QTMAN: variants seen among roughly 807,000 people sequenced by gnomAD.
QTMAN encodes the protein queuosine-tRNA mannosyltransferase.
chr2:144,081,911 G>T, the QTMAN span, among the ~76,000 whole-genome samples: 2 of 151,898 alleles, frequency 1.3e-5, no homozygotes, highest in Non-Finnish European at 2.9e-5. Flanking sequence ...TTTTAAGACA[G>T]AGTCTCACTC....
chr2:144,012,878 G>A, the QTMAN span, among the ~76,000 whole-genome samples: 1 of 152,152 alleles, frequency 6.6e-6, no homozygotes, highest in East Asian at 1.9e-4. Context: ...GAGGGTGTTA[G>A]TAAGTGGAAT....
the QTMAN span, among the ~76,000 whole-genome samples, chr2:144,184,602 T>C: frequency 2.6e-5 from 4 of 152,296 alleles, no homozygotes; most frequent in Admixed American, 2.0e-4. Flanking sequence ...TTTTCCTTTT[T>C]GGAAATGATT....
the QTMAN span, among the ~76,000 whole-genome samples, chr2:143,986,789 T>C: frequency 2.6e-5 from 4 of 152,328 alleles, no homozygotes; most frequent in South Asian, 2.1e-4. Flanking sequence ...TCTAAAAATA[T>C]ACACATGTAT....
At chr2:143,946,452 A>G in the QTMAN span, 1 of 152,720 alleles carries the variant, frequency 6.5e-6, no homozygotes, top group East Asian at 1.9e-4. Flanking sequence ...TGCTAAAAGA[A>G]AAGTGCTAAA....
the QTMAN span, among the ~76,000 whole-genome samples, chr2:144,263,663 C>T: frequency 1.3e-5 from 2 of 152,158 alleles, no homozygotes; most frequent in African/African-American, 4.8e-5. Context: ...GAAGAGGTTG[C>T]AGTGAGCCGA....
chr2:144,208,515 A>T, the QTMAN span: 1 of 1,129,146 alleles, frequency 8.9e-7, no homozygotes, highest in Non-Finnish European at 1.3e-6. Context: ...TAGTTGGAGA[A>T]ATTCTCAAAG....
At chr2:144,287,648 T>C in the QTMAN span, among the ~76,000 whole-genome samples, 1 of 152,158 alleles carries the variant, frequency 6.6e-6, no homozygotes, top group Admixed American at 6.5e-5. Flanking sequence ...AACCTAGATC[T>C]ATCTCAGCTT....
At chr2:144,179,707 A>C in the QTMAN span, among the ~76,000 whole-genome samples, 85 of 152,242 alleles carry the variant, frequency 5.6e-4, 1 homozygote, top group East Asian at 0.014. Context: ...TGCCTACAAA[A>C]CTCAAGAAGT....
the QTMAN span, among the ~76,000 whole-genome samples, chr2:144,155,095 C>A: frequency 5.9e-5 from 9 of 152,312 alleles, no homozygotes; most frequent in Non-Finnish European, 1.3e-4. Flanking sequence ...GATGTGAACA[C>A]CCAACACGAT....
At chr2:144,108,676 C>T in the QTMAN span, among the ~76,000 whole-genome samples, 4 of 137,494 alleles carry the variant, frequency 2.9e-5, no homozygotes, top group East Asian at 1.9e-4. Flanking sequence ...TCATCTCAGC[C>T]GAAAATCTCC....
chr2:144,157,026 T>C, the QTMAN span, among the ~76,000 whole-genome samples: 2 of 152,156 alleles, frequency 1.3e-5, no homozygotes, highest in African/African-American at 4.8e-5. Flanking sequence ...TCACAGTTGC[T>C]GCTTGTGAGC....
chr2:144,061,737 G>T, the QTMAN span, among the ~76,000 whole-genome samples: 5 of 152,112 alleles, frequency 3.3e-5, no homozygotes, highest in South Asian at 1.0e-3. Context: ...CTGTTTTTGT[G>T]CCCAAATGTT....
chr2:144,134,878 A>T, the QTMAN span, among the ~76,000 whole-genome samples: 2 of 152,232 alleles, frequency 1.3e-5, no homozygotes, highest in South Asian at 4.1e-4. Context: ...TAAACATTTG[A>T]TCTTTTTATA....
the QTMAN span, among the ~76,000 whole-genome samples, chr2:144,217,374 C>A: frequency 3.3e-5 from 5 of 151,908 alleles, no homozygotes; most frequent in Non-Finnish European, 7.4e-5. Context: ...AAAAAACCCT[C>A]CATTTTCTAG....
chr2:143,948,126 A>T, the QTMAN span, among the ~76,000 whole-genome samples: 1 of 152,200 alleles, frequency 6.6e-6, no homozygotes, highest in South Asian at 2.1e-4. Flanking sequence ...TTAAAAGGGG[A>T]CTATAAGGTG....
the QTMAN span, among the ~76,000 whole-genome samples, chr2:144,228,868 G>C: frequency 6.6e-6 from 1 of 152,090 alleles, no homozygotes; most frequent in African/African-American, 2.4e-5. Context: ...TGAGTCAAGA[G>C]AATTGCTTGA....
At chr2:144,163,028 C>A in the QTMAN span, among the ~76,000 whole-genome samples, 1 of 151,894 alleles carries the variant, frequency 6.6e-6, no homozygotes, top group Non-Finnish European at 1.5e-5. Flanking sequence ...AAAACAAACC[C>A]GGAATATGAA....
At chr2:144,257,087 G>GA in the QTMAN span, among the ~76,000 whole-genome samples, 64,377 of 128,358 alleles carry the variant, frequency 0.5, 15,660 homozygotes, top group East Asian at 0.69. Context: ...GAAACAAACT[G>GA]AAAAAAAAAA....
At chr2:144,025,205 A>G in the QTMAN span, among the ~76,000 whole-genome samples, 1 of 152,204 alleles carries the variant, frequency 6.6e-6, no homozygotes, top group Non-Finnish European at 1.5e-5. Context: ...AGACTGGGAT[A>G]TCTGCCAGGA....
Sources: allele counts gnomAD v4.1 joint callset (sites outside exome capture counted in the v4.1 genomes callset), GRCh38; gene constraint gnomAD v4.1.1; transcripts MANE v1.5; gene names NCBI Gene and HGNC (gene_info 2026-07-23, HGNC 2026-07-21).